Variants in HIVEP1 observed in about 807,000 individuals in gnomAD.
HIVEP1 encodes the protein HIVEP zinc finger 1, also known as zinc finger protein 40.
A neutral mutation model predicts 180.0 loss-of-function variants in HIVEP1; 36 were observed. That is an observed-to-expected ratio of 0.20 (90% CI 0.15 to 0.26). HIVEP1 has a LOEUF of 0.26. Among genes scored for constraint, HIVEP1 ranks in the 10% least tolerant of loss-of-function variants. HIVEP1 has a pLI of 1.00. For synonymous variants in HIVEP1, 1,239 were observed against 1,239.0 expected, an observed-to-expected ratio of 1.00 and a Z score of 0.00; for missense variants, 3,143 against 3,268.7, an observed-to-expected ratio of 0.96 and a Z score of 0.94.
At chr6:12,015,936 A>G (rs1168642867) in intron 2 of HIVEP1, among the ~76,000 whole-genome samples, 3 of 152,210 alleles carry the variant, frequency 2.0e-5, no homozygotes, top group Non-Finnish European at 2.9e-5. Context: ...GAAAGTTGCT[A>G]TTTGTTAATA....
At chr6:12,019,920 G>A (rs964783669) in intron 2 of HIVEP1, among the ~76,000 whole-genome samples, 5 of 152,190 alleles carry the variant, frequency 3.3e-5, no homozygotes, top group African/African-American at 4.8e-5. Flanking sequence ...TATTAGGCAA[G>A]CATAAAAATG....
chr6:12,162,792 A>T, intron 8 of HIVEP1, among the ~76,000 whole-genome samples: 1 of 152,232 alleles, frequency 6.6e-6, no homozygotes, highest in East Asian at 1.9e-4. Flanking sequence ...ACAACCAGAG[A>T]ACTTTTTCAT....
At chr6:12,143,763 T>C (rs1327646994) in intron 7 of HIVEP1, among the ~76,000 whole-genome samples, 1 of 152,124 alleles carries the variant, frequency 6.6e-6, no homozygotes, top group Non-Finnish European at 1.5e-5. Context: ...GAGAGCCAAA[T>C]CATGAGTGAA....
intron 2 of HIVEP1, among the ~76,000 whole-genome samples, chr6:12,074,437 A>G (rs563853388): frequency 6.6e-6 from 1 of 152,340 alleles, no homozygotes; most frequent in Admixed American, 6.5e-5. Context: ...GGAGAAATTT[A>G]ACAACTGAAA....
rs768181865 is a variant in HIVEP1 at position 12,122,041 on chromosome 6, C to T, written c.2246C>T (p.Ser749Leu). The change falls in exon 4 of 9, where the codon TCG becomes TTG. Residue 749 changes from serine (S) to leucine (L), a missense_variant. By Grantham distance (145) the Ser-to-Leu change is moderately radical. This residue lies in a region of HIVEP1 where 32 missense variants were observed against 70.0 expected (regional missense o/e 0.46). Transcript: ENST00000379388. Reference protein sequence around the residue: ...LATKTLEERISKLISDNEALV... With the variant: ...LATKTLEERILKLISDNEALV... ...ACAAAAACACTTGAGGAGCGGATAT[C>T]GAAGCTTATCTCAGACAATGAAGCT... The T allele has an allele frequency of 7.4e-6, 12 of 1,614,004 alleles. No individual in the cohort carries two copies. Among genetic ancestry groups the T allele is most frequent in the South Asian group, 1.1e-5 (1 of 91,084 alleles).
chr6:12,026,316 T>TA (rs1372643780), intron 2 of HIVEP1, among the ~76,000 whole-genome samples: 1 of 152,178 alleles, frequency 6.6e-6, no homozygotes, highest in Non-Finnish European at 1.5e-5. Context: ...AATGAGGAAA[T>TA]ACCTCGCGGA....
intron 3 of HIVEP1, among the ~76,000 whole-genome samples, chr6:12,089,908 T>G (rs1367126038): frequency 6.6e-6 from 1 of 152,054 alleles, no homozygotes; most frequent in African/African-American, 2.4e-5. Context: ...TTGGACAATG[T>G]TGGAAAGGAT....
At chr6:12,193,905 C>T in the HIVEP1 span, among the ~76,000 whole-genome samples, 10 of 152,080 alleles carry the variant, frequency 6.6e-5, no homozygotes, top group Non-Finnish European at 1.0e-4. Context: ...ATAGTTTTTA[C>T]TAACCAAAAG....
chr6:12,116,410 ATG>A (rs1322611385), intron 3 of HIVEP1, among the ~76,000 whole-genome samples: 21 of 152,022 alleles, frequency 1.4e-4, no homozygotes, highest in Non-Finnish European at 1.5e-4. Flanking sequence ...AGAGTGAAAA[ATG>A]TATGGAGAGG....
Position 12,123,118 on chromosome 6 carries a change from T to A in HIVEP1, c.3323T>A (p.Leu1108Gln). ...RGPEQTMDPK[L>Q]STIMEQQISS... The stretch of plus-strand genomic sequence containing the variant: ...CCTGAGCAGACCATGGATCCCAAGC[T>A]GTCGACCATCATGGAACAACAGATA... Residue 1108 changes from leucine to glutamine, a missense_variant, in exon 4 of 9, where the codon CTG (leucine) becomes CAG (glutamine). Leu to Gln is a moderately radical substitution (Grantham distance 113). This residue lies in a region of HIVEP1 where 1,357 missense variants were observed against 1,260.5 expected (regional missense o/e 1.08). Transcript: ENST00000379388. The A allele has an allele frequency of 6.2e-7, 1 of 1,614,174 alleles. No individual in the cohort carries two copies. The highest frequency in any genetic ancestry group is 8.5e-7 in the Non-Finnish European group (1 of 1,180,022).
chr6:12,079,661 C>T (rs991095141), intron 2 of HIVEP1, among the ~76,000 whole-genome samples: 5 of 152,110 alleles, frequency 3.3e-5, no homozygotes, highest in Admixed American at 6.6e-5. Context: ...CAAGGTTGGC[C>T]GCATGTTGGA....
At chr6:12,111,656 C>T (rs767314006) in intron 3 of HIVEP1, among the ~76,000 whole-genome samples, 47 of 152,270 alleles carry the variant, frequency 3.1e-4, no homozygotes, top group Non-Finnish European at 6.2e-4. Flanking sequence ...CCAGCAATGG[C>T]AGGTCAGGTC....
At chr6:12,205,401 G>A in the HIVEP1 span, among the ~76,000 whole-genome samples, 1 of 151,966 alleles carries the variant, frequency 6.6e-6, no homozygotes, top group South Asian at 2.1e-4. Context: ...AACCCGGGAG[G>A]CAGAGCTTGC....
chr6:12,037,991 A>C lies in HIVEP1; in HGVS notation c.40+22323A>C, dbSNP rs544020593. On this transcript the variant is annotated intron_variant, in intron 2 of 8. Coordinates refer to ENST00000379388, the MANE Select transcript of HIVEP1 (RefSeq NM_002114.4). ...TGGCCCCCCAAAGCACTGAGATTAC[A>C]GGCATGAGCCACCGCACCTAGTCTG... The C allele has an allele frequency of 2.5e-3, 973 of 382,036 alleles. 4 individuals carry two copies. Among genetic ancestry groups the C allele is most frequent in the Non-Finnish European group, 3.5e-3 (757 of 216,422 alleles). 23.7% of individuals were successfully genotyped at this position (382,036 alleles called of 1,614,324 possible).
intron 2 of HIVEP1, among the ~76,000 whole-genome samples, chr6:12,041,386 C>T (rs575380713): frequency 1.2e-3 from 160 of 134,052 alleles, no homozygotes; most frequent in Middle Eastern, 9.4e-3. Context: ...CCCGCCATTG[C>T]ACTCCAGCCT....
chr6:12,137,392 G>A (rs926147752), intron 7 of HIVEP1, among the ~76,000 whole-genome samples: 10 of 152,262 alleles, frequency 6.6e-5, no homozygotes, highest in Admixed American at 2.6e-4. Context: ...ATCATGGATT[G>A]TTTACATTTG....
At chr6:12,176,970 A>G in the HIVEP1 span, among the ~76,000 whole-genome samples, 3 of 152,348 alleles carry the variant, frequency 2.0e-5, no homozygotes, top group East Asian at 1.9e-4. Context: ...ACACCATGGA[A>G]TACTATGCAG....
intron 1 of HIVEP1, among the ~76,000 whole-genome samples, chr6:12,013,716 A>T (rs957717961): frequency 6.6e-6 from 1 of 152,258 alleles, no homozygotes; most frequent in African/African-American, 2.4e-5. Context: ...ATTGAATCAG[A>T]ACCTTCCTGA....
chr6:12,104,449 T>TTTC (rs1457085241), intron 3 of HIVEP1, among the ~76,000 whole-genome samples: 2 of 143,572 alleles, frequency 1.4e-5, no homozygotes, highest in Non-Finnish European at 3.0e-5. Flanking sequence ...TTTTTTTTTT[T>TTTC]CTGAGACAGG....
Sources: allele counts gnomAD v4.1 joint callset (sites outside exome capture counted in the v4.1 genomes callset), GRCh38; gene constraint gnomAD v4.1.1; regional missense constraint gnomAD v4.1.1; transcripts MANE v1.5; gene names NCBI Gene and HGNC (gene_info 2026-07-23, HGNC 2026-07-21).